Variants in RAD50 observed in about 807,000 individuals in gnomAD.
The protein encoded by RAD50 is DNA repair protein RAD50.
A neutral mutation model predicts 168.8 loss-of-function variants in RAD50; 132 were observed. That is an observed-to-expected ratio of 0.78 (90% CI 0.68 to 0.90). The LOEUF is 0.90. RAD50 is among the 40% of genes least tolerant of loss of function. The probability of loss-of-function intolerance (pLI) is 0.00; values close to 1 mark genes in which losing one functional copy is unlikely to be tolerated. For missense variants in RAD50, 1,347 were observed against 1,534.4 expected (o/e 0.88, Z 2.04); for synonymous variants, 525 against 497.4 (o/e 1.06, Z -0.74).
At chr5:132,605,536 G>C (rs557160279) in intron 16 of RAD50, among the ~76,000 whole-genome samples, 1 of 151,932 alleles carries the variant, frequency 6.6e-6, no homozygotes, top group African/African-American at 2.4e-5. Flanking sequence ...CTAGAGACAG[G>C]GTCTCACTAT....
At chr5:132,605,376 A>C (rs375878111) in intron 16 of RAD50, among the ~76,000 whole-genome samples, 5 of 151,970 alleles carry the variant, frequency 3.3e-5, no homozygotes, top group African/African-American at 1.2e-4. Context: ...AGTCTTCATC[A>C]GTCTTCCAAG....
intron 2 of RAD50, among the ~76,000 whole-genome samples, chr5:132,573,669 T>C (rs1235396506): frequency 2.0e-5 from 3 of 152,200 alleles, no homozygotes; most frequent in Admixed American, 2.0e-4. Flanking sequence ...TTACCCAAGA[T>C]AAGGCAAGTC....
intron 2 of RAD50, among the ~76,000 whole-genome samples, chr5:132,571,817 G>A (rs79839719): frequency 2.0e-5 from 3 of 152,298 alleles, no homozygotes; most frequent in South Asian, 2.1e-4. Flanking sequence ...ACTCATCATC[G>A]CTTGTATAAT....
intron 18 of RAD50, 34 bp downstream of exon 18, chr5:132,609,243 T>C (rs1751041113): frequency 6.2e-7 from 1 of 1,607,010 alleles, no homozygotes; most frequent in African/African-American, 1.3e-5. Flanking sequence ...TATTTGATTG[T>C]ATTTTTATTC....
Position 132,594,829 on chromosome 5 carries a change from C to G in RAD50, c.1794-40C>G, listed in dbSNP as rs202077438. 9 of 1,558,752 alleles carry G rather than the reference C, an allele frequency of 5.8e-6. No individual in the cohort carries two copies. In the South Asian group the frequency reaches 1.0e-4, roughly 18 times the overall value. On this transcript the variant is annotated intron_variant, in intron 11 of 24. Transcript: ENST00000378823. ...TACTCAAATTTTCAAACTAATTTCTCCTATTTTAAAATGAAAATCCATATT... is the reference window on the plus strand; with the variant it reads ...TACTCAAATTTTCAAACTAATTTCTGCTATTTTAAAATGAAAATCCATATT...
chr5:132,575,099 C>A (rs1750369829), intron 2 of RAD50, among the ~76,000 whole-genome samples: 1 of 152,138 alleles, frequency 6.6e-6, no homozygotes, highest in South Asian at 2.1e-4. Flanking sequence ...CTCCTGGTAC[C>A]AATTTACTGT....
rs146790944 is a variant in RAD50, at chr5:132,644,482, A to G, written c.*2118A>G. ...TATTTGTCCTGTTTTCTGTTTCCTT[A>G]TATGTAAAAGTGGGTAAAATGGTAC... On this transcript the variant is annotated 3_prime_UTR_variant, in exon 25 of 25. Coordinates refer to ENST00000378823, the MANE Select transcript of RAD50 (RefSeq NM_005732.4). 265 of 177,870 alleles carry G rather than the reference A, an allele frequency of 1.5e-3. 2 individuals carry two copies. The highest frequency in any genetic ancestry group is 6.0e-3 in the African/African-American group (256 of 42,328). 11.0% of individuals were successfully genotyped at this position (177,870 alleles called of 1,614,324 possible). A position where few individuals can be genotyped will look rare whatever the true frequency, so the allele number is the denominator to read the frequency against.
chr5:132,588,660 A>T, intron 7 of RAD50, 27 bp from the exon 8 acceptor site: 1 of 1,603,724 alleles, frequency 6.2e-7, no homozygotes, highest in Non-Finnish European at 8.5e-7. Context: ...AGTTGAAAAA[A>T]AAATTATGAG....
intron 11 of RAD50, among the ~76,000 whole-genome samples, chr5:132,594,192 A>C (rs1410226202): frequency 6.6e-6 from 1 of 152,352 alleles, no homozygotes; most frequent in African/African-American, 2.4e-5. Context: ...AAAGTAGTAC[A>C]TATACATACA....
rs544158200 is a variant in RAD50, at chr5:132,614,771, G to A, written c.3037-1232G>A. ...TAGATGTGGACCCTGTGGATAAATT[G>A]TATGTTTATATTATTTCCAGGAAAA... On this transcript the variant is annotated intron_variant, in intron 19 of 24. Transcript: ENST00000378823. Among the ~76,000 whole-genome samples the A allele has an allele frequency of 4.0e-5, 6 of 150,836 alleles. No individual in the cohort carries two copies. In the East Asian group the frequency reaches 1.2e-3, roughly 29 times the overall value.
chr5:132,612,205 A>C (rs1203144025), intron 19 of RAD50, among the ~76,000 whole-genome samples: 1 of 152,250 alleles, frequency 6.6e-6, no homozygotes, highest in Admixed American at 6.5e-5. Context: ...ACATGCTACC[A>C]CATGAATGAA....
rs876658450 is a variant in RAD50, at chr5:132,640,742, T to G, written c.3689T>G (p.Leu1230Trp). 21 of 1,614,136 alleles carry G rather than the reference T, an allele frequency of 1.3e-5. No homozygotes were observed. Among genetic ancestry groups the G allele is most frequent in the Non-Finnish European group, 1.7e-5 (20 of 1,180,042 alleles). ...TGCCTCAACTGTGGCATCATTGCCT[T>G]GGATGAGCCAACAACAAATCTTGAC... Reference protein sequence around the residue: ...TFCLNCGIIALDEPTTNLDRE... With the variant: ...TFCLNCGIIAWDEPTTNLDRE... Residue 1230 changes from leucine to tryptophan, a missense_variant, in exon 24 of 25, where the codon TTG becomes TGG. By Grantham distance (61) the Leu-to-Trp change is moderately conservative. Coordinates refer to ENST00000378823, the MANE Select transcript of RAD50 (RefSeq NM_005732.4).
In RAD50 at chr5:132,594,879, G is replaced by A. The variant is rs2149843658; in HGVS notation, c.1804G>A (p.Ala602Thr). Residue 602 changes from alanine to threonine, a missense_variant, in exon 12 of 25, where the codon GCT (alanine) becomes ACT (threonine). Physicochemically the swap from Ala to Thr is moderately conservative, Grantham distance 58 (BLOSUM62 0). This residue lies in a region of RAD50 where 703 missense variants were observed against 767.7 expected (regional missense o/e 0.92). Transcript: ENST00000378823. ...DRLAKLNKEL[A>T]SSEQNKNHIN... ...TTGCTCTTATTTTAGCAAGGAACTAGCTTCATCTGAGCAGAATAAAAATCA... is the reference window on the plus strand; with the variant it reads ...TTGCTCTTATTTTAGCAAGGAACTAACTTCATCTGAGCAGAATAAAAATCA... 6.2e-7 allele frequency: 1 copy of A among 1,602,790 alleles called. No homozygotes were observed. The highest frequency in any genetic ancestry group is 2.2e-5 in the East Asian group (1 of 44,778).
chr5:132,564,410 C>G (rs906626969), intron 2 of RAD50, among the ~76,000 whole-genome samples: 4 of 152,178 alleles, frequency 2.6e-5, no homozygotes, highest in African/African-American at 9.7e-5. Flanking sequence ...TGCCCCTGCT[C>G]TAGGAATCTG....
chr5:132,631,533 A>C (rs779289003), intron 21 of RAD50, among the ~76,000 whole-genome samples: 5 of 152,246 alleles, frequency 3.3e-5, no homozygotes, highest in Non-Finnish European at 7.3e-5. Context: ...CTGATACACT[A>C]GCCAGATGGC....
At chr5:132,618,390 T>G in intron 21 of RAD50, 96 bp downstream of exon 21, 1 of 1,530,742 alleles carries the variant, frequency 6.5e-7, no homozygotes, top group Non-Finnish European at 8.8e-7. Context: ...TTCTTTTTTA[T>G]TTTTTGAGAC....
intron 16 of RAD50, 133 bp from the exon 17 acceptor site, chr5:132,608,482 C>A (rs983358554): frequency 2.9e-6 from 2 of 679,620 alleles, no homozygotes; most frequent in Non-Finnish European, 4.9e-6. Flanking sequence ...CTCATAGGGT[C>A]ATTGAAAGGA....
chr5:132,590,025 A>G (rs1235936166), intron 9 of RAD50, among the ~76,000 whole-genome samples, 188 bp downstream of exon 9: 1 of 152,192 alleles, frequency 6.6e-6, no homozygotes, highest in Admixed American at 6.5e-5. Flanking sequence ...GATAGCCTGA[A>G]AATTAGAATC....
rs200760698 is a variant in RAD50, at chr5:132,559,274, A to G, written c.130-10A>G. On this transcript the variant is annotated splice_polypyrimidine_tract_variant and intron_variant, in intron 1 of 24. Coordinates refer to ENST00000378823, the MANE Select transcript of RAD50 (RefSeq NM_005732.4). ...TTATAACGAAATAATGTAATTTTCT[A>G]TTTCTTTAGACCATCATTGAATGTC... 3.6e-5 allele frequency: 57 copies of G among 1,590,596 alleles called. No homozygotes were observed. Among genetic ancestry groups the G allele is most frequent in the South Asian group, 8.2e-5 (7 of 85,804 alleles).
Sources: allele counts gnomAD v4.1 joint callset (sites outside exome capture counted in the v4.1 genomes callset), GRCh38; gene constraint gnomAD v4.1.1; regional missense constraint gnomAD v4.1.1; transcripts MANE v1.5; gene names NCBI Gene and HGNC (gene_info 2026-07-23, HGNC 2026-07-21).